The following PON3 variants were observed in gnomAD, a reference collection of about 807,000 sequenced individuals.
PON3 encodes serum paraoxonase/lactonase 3.
PON3 carries 37 observed loss-of-function variants against 36.3 expected under a neutral mutation model. The ratio of observed to expected loss-of-function variants is 1.02; its 90% confidence interval spans 0.78 to 1.34. The LOEUF is 1.34. PON3 is among the 40% of genes most tolerant of loss of function. The probability of loss-of-function intolerance (pLI) is 0.00; values close to 1 mark genes in which losing one functional copy is unlikely to be tolerated. For missense variants in PON3, 415 were observed against 426.5 expected (o/e 0.97, Z 0.24); for synonymous variants, 155 against 154.8 (o/e 1.00, Z -0.01).
chr7:95,390,230 C>A, intron 2 of PON3, 21 bp from the exon 3 acceptor site: 1 of 1,574,212 alleles, frequency 6.4e-7, no homozygotes, highest in South Asian at 1.1e-5. Flanking sequence ...AGGGTAGAAT[C>A]AGAAAAATGC....
intron 3 of PON3, among the ~76,000 whole-genome samples, chr7:95,381,678 T>C (rs934028588): frequency 5.9e-5 from 9 of 152,146 alleles, no homozygotes; most frequent in Non-Finnish European, 8.8e-5. Context: ...ATGCACCCAA[T>C]ACAGGAGCAC....
chr7:95,376,317 A>G (rs979335859), intron 3 of PON3, among the ~76,000 whole-genome samples: 1 of 152,224 alleles, frequency 6.6e-6, no homozygotes, highest in Non-Finnish European at 1.5e-5. Flanking sequence ...CAGGGAAGAA[A>G]ATATCCTGTT....
chr7:95,389,642 T>G (rs1448429355), intron 3 of PON3, among the ~76,000 whole-genome samples: 1 of 152,192 alleles, frequency 6.6e-6, no homozygotes, highest in Non-Finnish European at 1.5e-5. Context: ...TGTTCTCTAT[T>G]TCTCTTTGAA....
chr7:95,394,120 G>C (rs912898537), intron 2 of PON3, among the ~76,000 whole-genome samples: 1 of 152,020 alleles, frequency 6.6e-6, no homozygotes, highest in Admixed American at 6.5e-5. Context: ...GGATGGTCTC[G>C]ATCTCCTGAC....
chr7:95,367,313 C>T (rs560203988), intron 5 of PON3, 49 bp downstream of exon 5: 6 of 1,601,646 alleles, frequency 3.7e-6, no homozygotes, highest in Non-Finnish European at 5.1e-6. Flanking sequence ...ACAAAGCACA[C>T]AGCAGAGGTG....
intron 3 of PON3, among the ~76,000 whole-genome samples, chr7:95,384,520 C>G (rs1809142787): frequency 6.6e-6 from 1 of 152,026 alleles, no homozygotes; most frequent in Non-Finnish European, 1.5e-5. Flanking sequence ...AAAAAACACC[C>G]CACCAAAAAG....
chr7:95,362,168 T>C (rs1035325618), intron 8 of PON3, among the ~76,000 whole-genome samples, 194 bp downstream of exon 8: 15 of 152,200 alleles, frequency 9.9e-5, no homozygotes, highest in Non-Finnish European at 1.5e-4. Flanking sequence ...GCAAGAGTTA[T>C]TGAAAAGTTA....
intron 4 of PON3, 137 bp downstream of exon 4, chr7:95,372,036 T>G (rs1221510572): frequency 2.8e-6 from 3 of 1,078,604 alleles, no homozygotes; most frequent in Admixed American, 4.0e-5. Context: ...TTTATACCTA[T>G]TTATCATTTA....
rs376790266 is a variant in PON3 at position 95,386,878 on chromosome 7, CA to C, written c.201+3275del. 5.2e-4 allele frequency among the ~76,000 whole-genome samples: 79 copies of C among 152,226 alleles called. 2 individuals are homozygous for C. In the East Asian group the frequency reaches 0.014, roughly 27 times the overall value. ...TCCATCACATAAACAGAACCAATGACAAAAACCACATGATTATCTCAATAGA... is the reference window on the plus strand; with the variant it reads ...TCCATCACATAAACAGAACCAATGACAAAACCACATGATTATCTCAATAGA... On this transcript the variant is annotated intron_variant, in intron 3 of 8. Coordinates refer to ENST00000265627, the MANE Select transcript of PON3 (RefSeq NM_000940.3).
chr7:95,385,226 A>T (rs936156340), intron 3 of PON3, among the ~76,000 whole-genome samples: 1 of 152,158 alleles, frequency 6.6e-6, no homozygotes, highest in African/African-American at 2.4e-5. Context: ...AGAGGGAGGG[A>T]TAGCATTAGA....
At chr7:95,369,920 G>T (rs937863130) in intron 4 of PON3, among the ~76,000 whole-genome samples, 7 of 152,224 alleles carry the variant, frequency 4.6e-5, no homozygotes, top group Non-Finnish European at 8.8e-5. Flanking sequence ...CTTCAATGAT[G>T]ACAAAGAGTG....
chr7:95,372,902 A>G (rs1217140145), intron 3 of PON3, among the ~76,000 whole-genome samples: 3 of 152,216 alleles, frequency 2.0e-5, no homozygotes, highest in Admixed American at 1.3e-4. Context: ...TTGTTCCTAT[A>G]GGTATGTCTG....
intron 3 of PON3, among the ~76,000 whole-genome samples, chr7:95,373,330 A>C (rs1808849804): frequency 6.6e-6 from 1 of 151,938 alleles, no homozygotes; most frequent in Admixed American, 6.6e-5. Context: ...CTCCCTCTTG[A>C]GGTAGTCAAT....
chr7:95,385,048 T>C (rs1333633537), intron 3 of PON3, among the ~76,000 whole-genome samples: 1 of 152,184 alleles, frequency 6.6e-6, no homozygotes, highest in East Asian at 1.9e-4. Context: ...TTCATGTCCT[T>C]TGTAGGAACA....
At chr7:95,389,193 A>G (rs1172129973) in intron 3 of PON3, among the ~76,000 whole-genome samples, 1 of 152,196 alleles carries the variant, frequency 6.6e-6, no homozygotes, top group African/African-American at 2.4e-5. Context: ...ATAAAGAAAT[A>G]AAATATTGCC....
At chr7:95,367,204 C>A (rs756001702) in intron 5 of PON3, among the ~76,000 whole-genome samples, 158 bp downstream of exon 5, 1 of 152,074 alleles carries the variant, frequency 6.6e-6, no homozygotes, top group South Asian at 2.1e-4. Context: ...TCTAGTGAGG[C>A]GCTGGGAAGA....
At chr7:95,388,699 T>C (rs932556458) in intron 3 of PON3, among the ~76,000 whole-genome samples, 2 of 152,162 alleles carry the variant, frequency 1.3e-5, no homozygotes, top group South Asian at 4.1e-4. Flanking sequence ...CAAATGTCCA[T>C]CAGTGATAGA....
rs976212269 is a variant in PON3 at position 95,362,927 on chromosome 7, C to T, written c.696-86G>A. On this transcript the variant is annotated intron_variant, in intron 6 of 8. Transcript: ENST00000265627. ...ATTTTGGAGAAGAGGTATAAAAATGCACACTCCTTGAAAGTACCACTGCAA... is the reference window on the plus strand; with the variant it reads ...ATTTTGGAGAAGAGGTATAAAAATGTACACTCCTTGAAAGTACCACTGCAA... The T allele has an allele frequency of 1.1e-4, 105 of 951,358 alleles. No individual in the cohort carries two copies. In the Middle Eastern group the frequency reaches 2.0e-3, roughly 18 times the overall value. The allele number at this position is 951,358 out of a possible 1,614,324, so 58.9% of individuals were successfully genotyped here. A position where few individuals can be genotyped will look rare whatever the true frequency, so the allele number is the denominator to read the frequency against.
intron 8 of PON3, among the ~76,000 whole-genome samples, chr7:95,361,546 G>T (rs1332303884): frequency 6.6e-6 from 1 of 151,918 alleles, no homozygotes. Context: ...CATAAAATTT[G>T]CCATCTTCAA....
Sources: gnomAD v4.1 joint callset for allele counts (sites outside exome capture counted in the v4.1 genomes callset) on GRCh38, gnomAD v4.1.1 for gene constraint, MANE v1.5 for transcripts, NCBI Gene and HGNC (gene_info 2026-07-23, HGNC 2026-07-21) for gene names.